TMEM132D: variants seen among roughly 807,000 people sequenced by gnomAD.
The protein encoded by TMEM132D is mature OL transmembrane protein.
A neutral mutation model predicts 62.3 loss-of-function variants in TMEM132D; 21 were observed. That is an observed-to-expected ratio of 0.34 (90% CI 0.24 to 0.49). The LOEUF (loss-of-function observed/expected upper bound fraction) is 0.49, where lower values mean the gene tolerates loss of function less well. TMEM132D is among the 20% of genes least tolerant of loss of function. The pLI is 0.99. For missense variants in TMEM132D, 1,346 were observed against 1,402.8 expected, an observed-to-expected ratio of 0.96 and a Z score of 0.65; for synonymous variants, 621 against 575.6, an observed-to-expected ratio of 1.08 and a Z score of -1.13.
At chr12:129,245,491 A>C (rs1880072406) in intron 4 of TMEM132D, among the ~76,000 whole-genome samples, 1 of 152,130 alleles carries the variant, frequency 6.6e-6, no homozygotes, top group South Asian at 2.1e-4. Context: ...AAGTTTTGGC[A>C]ATTATGAATA....
chr12:129,531,059 C>T lies in TMEM132D; in HGVS notation c.1115G>A (p.Ser372Asn), dbSNP rs1390578802. The T allele has an allele frequency of 3.7e-6, 6 of 1,611,502 alleles. No individual in the cohort carries two copies. The highest frequency in any genetic ancestry group is 5.1e-6 in the Non-Finnish European group (6 of 1,178,298). Residue 372 changes from serine to asparagine, a missense_variant and splice_region_variant, in exon 3 of 9, where the codon AGT becomes AAT. Physicochemically the swap from Ser to Asn is conservative, Grantham distance 46. Coordinates refer to ENST00000422113, the MANE Select transcript of TMEM132D (RefSeq NM_133448.3). The stretch of plus-strand genomic sequence containing the variant: ...ATATCGGAGGCCAGTTGGGACTCAC[C>T]TGTTTTCTGAGCCAGCTGCTTTCTT... Reference protein sequence around the residue: ...CQKKAAGSENSADGASYEVMQ... With the variant: ...CQKKAAGSENNADGASYEVMQ...
chr12:129,084,798 G>A (rs745618609), intron 5 of TMEM132D, 96 bp from the exon 6 acceptor site: 5 of 1,223,176 alleles, frequency 4.1e-6, no homozygotes, highest in Middle Eastern at 4.2e-4. Context: ...CTGGCTGGTG[G>A]AGGTGCTTCC....
chr12:129,800,929 T>C (rs1484223262), intron 1 of TMEM132D, among the ~76,000 whole-genome samples: 1 of 152,152 alleles, frequency 6.6e-6, no homozygotes, highest in Non-Finnish European at 1.5e-5. Flanking sequence ...GGGAGTTCCC[T>C]TTCCTAGTTA....
At chr12:129,196,819 A>G (rs1363768734) in intron 5 of TMEM132D, among the ~76,000 whole-genome samples, 1 of 152,200 alleles carries the variant, frequency 6.6e-6, no homozygotes, top group Non-Finnish European at 1.5e-5. Context: ...GATATATACA[A>G]TCTCACCTAG....
intron 4 of TMEM132D, among the ~76,000 whole-genome samples, chr12:129,260,727 G>A (rs942462879): frequency 1.3e-5 from 2 of 151,994 alleles, no homozygotes; most frequent in East Asian, 1.9e-4. Context: ...TTGCATCCTC[G>A]TAGCTTTAAC....
At chr12:129,302,594 G>A (rs750802332) in intron 4 of TMEM132D, among the ~76,000 whole-genome samples, 42 of 152,372 alleles carry the variant, frequency 2.8e-4, no homozygotes, top group Non-Finnish European at 5.0e-4. Flanking sequence ...GTGGGCCTTA[G>A]TTCCAGCTTT....
intron 3 of TMEM132D, among the ~76,000 whole-genome samples, chr12:129,477,915 G>A (rs934846602): frequency 2.0e-5 from 3 of 152,030 alleles, no homozygotes; most frequent in Admixed American, 6.5e-5. Context: ...GTTTAATGAC[G>A]GGGACATGTT....
chr12:129,429,661 G>A (rs1377052581), intron 3 of TMEM132D, among the ~76,000 whole-genome samples: 1 of 150,306 alleles, frequency 6.7e-6, no homozygotes, highest in Non-Finnish European at 1.5e-5. Flanking sequence ...GTATACATGT[G>A]CCATGTTAGT....
chr12:129,269,071 A>G (rs55755241), intron 4 of TMEM132D, among the ~76,000 whole-genome samples: 3,196 of 151,352 alleles, frequency 0.021, 121 homozygotes, highest in African/African-American at 0.073. Context: ...CTAATGCTAA[A>G]TGACGAGTTA....
chr12:129,328,314 A>G (rs1868985297), intron 4 of TMEM132D, among the ~76,000 whole-genome samples: 1 of 152,258 alleles, frequency 6.6e-6, no homozygotes, highest in Non-Finnish European at 1.5e-5. Flanking sequence ...GCAAGTGCCC[A>G]GCACAAAGTG....
chr12:129,444,308 G>A (rs776969510), intron 3 of TMEM132D, among the ~76,000 whole-genome samples: 1 of 152,042 alleles, frequency 6.6e-6, no homozygotes, highest in Non-Finnish European at 1.5e-5. Context: ...GAAACTACCA[G>A]CAGAGTAAAC....
intron 1 of TMEM132D, among the ~76,000 whole-genome samples, chr12:129,891,063 G>A (rs1440077476): frequency 3.9e-5 from 6 of 151,962 alleles, no homozygotes; most frequent in African/African-American, 1.5e-4. Context: ...CCAAACAGCA[G>A]GTCCTAGAGG....
intron 1 of TMEM132D, among the ~76,000 whole-genome samples, chr12:129,835,292 G>A (rs752474234): frequency 2.0e-5 from 3 of 152,136 alleles, no homozygotes; most frequent in East Asian, 1.9e-4. Flanking sequence ...TGAGGGGTTC[G>A]TCTTTGTTTT....
intron 1 of TMEM132D, among the ~76,000 whole-genome samples, chr12:129,744,340 T>C (rs2137261662): frequency 6.6e-6 from 1 of 152,316 alleles, no homozygotes. Context: ...ATTATTGTTA[T>C]AGTTTCCACT....
intron 2 of TMEM132D, among the ~76,000 whole-genome samples, chr12:129,655,594 TGC>T (rs932436315): frequency 2.0e-5 from 3 of 150,290 alleles, no homozygotes; most frequent in Non-Finnish European, 3.0e-5. Flanking sequence ...TGCAGGGGAG[TGC>T]AGGGGACTCT....
intron 3 of TMEM132D, among the ~76,000 whole-genome samples, chr12:129,441,969 T>C (rs1467211527): frequency 1.3e-5 from 2 of 152,166 alleles, no homozygotes; most frequent in African/African-American, 4.8e-5. Context: ...ACAGTCGGCC[T>C]GGAGGCTACT....
chr12:129,559,156 C>T (rs775447135), intron 2 of TMEM132D, among the ~76,000 whole-genome samples: 19 of 152,178 alleles, frequency 1.2e-4, no homozygotes, highest in Non-Finnish European at 2.4e-4. Flanking sequence ...TACAACCCAA[C>T]ACAATCCACC....
At chr12:129,819,033 T>G (rs1256318215) in intron 1 of TMEM132D, among the ~76,000 whole-genome samples, 1 of 150,750 alleles carries the variant, frequency 6.6e-6, no homozygotes, top group East Asian at 1.9e-4. Flanking sequence ...AGACTCTGTC[T>G]CGAAAAAAAA....
chr12:129,135,814 G>A (rs187228712), intron 5 of TMEM132D, among the ~76,000 whole-genome samples: 9 of 152,238 alleles, frequency 5.9e-5, no homozygotes, highest in East Asian at 1.9e-4. Context: ...CTGATAGACC[G>A]TATCAGCTCA....
Sources: gnomAD v4.1 joint callset for allele counts (sites outside exome capture counted in the v4.1 genomes callset) on GRCh38, gnomAD v4.1.1 for gene constraint, MANE v1.5 for transcripts, NCBI Gene and HGNC (gene_info 2026-07-23, HGNC 2026-07-21) for gene names.